Variants in LDLRAD4 observed in about 807,000 individuals in gnomAD.
LDLRAD4 encodes the protein low-density lipoprotein receptor class A domain-containing protein 4.
Under a neutral mutation model 17.0 loss-of-function variants are expected in LDLRAD4, and 5 were observed. The observed-to-expected ratio is 0.29, with a 90% CI of 0.15 to 0.62. The LOEUF is 0.62. LDLRAD4 is among the 20% of genes least tolerant of loss of function. The pLI, the probability that LDLRAD4 is intolerant of heterozygous loss-of-function variation, is 0.84. For synonymous variants in LDLRAD4, 168 were observed against 171.8 expected, an observed-to-expected ratio of 0.98 and a Z score of 0.17; for missense variants, 340 against 424.7, an observed-to-expected ratio of 0.80 and a Z score of 1.75.
intron 1 of LDLRAD4, among the ~76,000 whole-genome samples, chr18:13,254,274 G>A (rs1255333731): frequency 6.6e-6 from 1 of 152,234 alleles, no homozygotes; most frequent in Non-Finnish European, 1.5e-5. Flanking sequence ...GGGGTGAGGA[G>A]TGAGGGGCCC....
intron 2 of LDLRAD4, among the ~76,000 whole-genome samples, chr18:13,389,065 G>A (rs889073228): frequency 6.6e-5 from 10 of 152,222 alleles, no homozygotes; most frequent in Admixed American, 3.9e-4. Flanking sequence ...GCGGGTCATG[G>A]CCCATGTGGA....
chr18:13,258,093 G>A (rs1361003919), intron 1 of LDLRAD4, among the ~76,000 whole-genome samples: 1 of 152,154 alleles, frequency 6.6e-6, no homozygotes, highest in African/African-American at 2.4e-5. Flanking sequence ...CCAGATAGTG[G>A]TTGAAAACAT....
Position 13,387,658 on chromosome 18 carries a change from T to A in LDLRAD4, c.-65T>A, listed in dbSNP as rs1437383784. On this transcript the variant is annotated 5_prime_UTR_variant, in exon 2 of 6. Transcript: ENST00000359446. Reference sequence around the variant, plus strand: ...GGCTAAGATGGAAGTGACCTGAGCCTCGCCCGGCGGCTTCCTCGACGGGAC... The same window carrying A: ...GGCTAAGATGGAAGTGACCTGAGCCACGCCCGGCGGCTTCCTCGACGGGAC... 4 of 1,487,286 alleles carry A rather than the reference T, an allele frequency of 2.7e-6. No individual in the cohort carries two copies. In the East Asian group the frequency reaches 6.8e-5, roughly 25 times the overall value. The allele number at this position is 1,487,286 out of a possible 1,614,324, so 92.1% of individuals were successfully genotyped here.
chr18:13,529,137 C>T lies in LDLRAD4; in HGVS notation c.181+90753C>T, dbSNP rs114406767. On this transcript the variant is annotated intron_variant, in intron 3 of 5. Transcript: ENST00000359446. ...GTGTAGGGAGAACCTGGTTAAGGAG[C>T]TCACTGTCTGATTCTGGCTCTGAGC... Among the ~76,000 whole-genome samples the T allele has an allele frequency of 7.5e-3, 1,141 of 152,210 alleles. 19 individuals carry two copies. Among genetic ancestry groups the T allele is most frequent in the African/African-American group, 0.026 (1,078 of 41,520 alleles).
At chr18:13,543,876 A>G (rs924364793) in intron 3 of LDLRAD4, among the ~76,000 whole-genome samples, 12 of 152,268 alleles carry the variant, frequency 7.9e-5, no homozygotes, top group Non-Finnish European at 1.6e-4. Context: ...TACCTCCAAC[A>G]GGGCTGCTGG....
intron 3 of LDLRAD4, among the ~76,000 whole-genome samples, chr18:13,454,026 G>A (rs1325795935): frequency 3.9e-5 from 6 of 152,264 alleles, no homozygotes; most frequent in African/African-American, 7.2e-5. Flanking sequence ...AGGCTGCGCC[G>A]TGCACACCCA....
At chr18:13,614,773 C>G (rs2148749671) in intron 3 of LDLRAD4, 1 of 152,288 alleles carries the variant, frequency 6.6e-6, no homozygotes, top group African/African-American at 2.4e-5. Context: ...TCTGGAGGAT[C>G]TTGGAAAGAA....
intron 1 of LDLRAD4, among the ~76,000 whole-genome samples, chr18:13,331,208 A>G (rs2081848495): frequency 6.6e-6 from 1 of 152,222 alleles, no homozygotes. Context: ...GACTGAGCCA[A>G]CAACCTGTGT....
At chr18:13,652,577 C>T (rs1199916852) in exon 6 of LDLRAD4, 1 of 152,602 alleles carries the variant, frequency 6.6e-6, no homozygotes, top group Non-Finnish European at 1.5e-5. Context: ...CACGTATCTG[C>T]CTCTTTTACC....
chr18:13,524,340 A>C (rs148792074), intron 3 of LDLRAD4, among the ~76,000 whole-genome samples: 1 of 152,228 alleles, frequency 6.6e-6, no homozygotes, highest in Non-Finnish European at 1.5e-5. Flanking sequence ...AAAATTACAC[A>C]TTCTGTTACA....
intron 3 of LDLRAD4, chr18:13,561,549 A>C (rs1384664411): frequency 6.6e-6 from 1 of 152,360 alleles, no homozygotes; most frequent in East Asian, 1.9e-4. Context: ...GACCTTGATG[A>C]GCAGTCATTT....
At chr18:13,435,963 T>C (rs576300612) in intron 2 of LDLRAD4, among the ~76,000 whole-genome samples, 1 of 152,354 alleles carries the variant, frequency 6.6e-6, no homozygotes, top group Admixed American at 6.5e-5. Flanking sequence ...GGCAGTGCTA[T>C]GAGATGAGGC....
intron 3 of LDLRAD4, among the ~76,000 whole-genome samples, chr18:13,461,781 A>G (rs2092441006): frequency 6.6e-6 from 1 of 152,218 alleles, no homozygotes; most frequent in African/African-American, 2.4e-5. Flanking sequence ...GGTTGCAGAA[A>G]GTGACCAATC....
chr18:13,499,441 C>T (rs1161331650), intron 3 of LDLRAD4, among the ~76,000 whole-genome samples: 10 of 141,414 alleles, frequency 7.1e-5, no homozygotes, highest in African/African-American at 2.7e-4. Context: ...ACACGTCCTG[C>T]CGTGGACACT....
chr18:13,551,098 C>T (rs947974866), intron 3 of LDLRAD4, among the ~76,000 whole-genome samples: 13 of 152,284 alleles, frequency 8.5e-5, no homozygotes, highest in East Asian at 5.8e-4. Flanking sequence ...TACACCCCTA[C>T]GGCCAGTGCC....
At chr18:13,356,087 G>A (rs955884222) in intron 1 of LDLRAD4, among the ~76,000 whole-genome samples, 4 of 152,260 alleles carry the variant, frequency 2.6e-5, no homozygotes, top group African/African-American at 4.8e-5. Context: ...AGCCAGGGTC[G>A]TGCTTCAGCA....
intron 3 of LDLRAD4, among the ~76,000 whole-genome samples, chr18:13,486,198 G>A (rs754238187): frequency 6.6e-6 from 1 of 152,204 alleles, no homozygotes; most frequent in Non-Finnish European, 1.5e-5. Context: ...CCCACATAAT[G>A]AGGACGTTAC....
At chr18:13,504,085 A>T (rs1438833602) in intron 3 of LDLRAD4, among the ~76,000 whole-genome samples, 1 of 152,190 alleles carries the variant, frequency 6.6e-6, no homozygotes, top group Non-Finnish European at 1.5e-5. Flanking sequence ...CGCAGGTCAC[A>T]TATCTCGCCT....
At position 13,645,042 on chromosome 18, in the gene LDLRAD4, C is replaced by A; in HGVS notation, c.391-85C>A. ...TGTTCAAACTGGTAGGAACACACAC[C>A]AAGCGTAACTTTCCTTGATTCTGAC... On this transcript the variant is annotated intron_variant, in intron 5 of 5. Coordinates refer to ENST00000359446, the Ensembl canonical transcript of LDLRAD4. The surrounding 1 kb of genome is among the most constrained non-coding windows in gnomAD (Gnocchi z 5.7). 1.8e-6 allele frequency: 2 copies of A among 1,135,178 alleles called. No homozygotes were observed. Among genetic ancestry groups the A allele is most frequent in the Non-Finnish European group, 2.5e-6 (2 of 795,626 alleles). The allele number at this position is 1,135,178 out of a possible 1,614,324, so 70.3% of individuals were successfully genotyped here. A position where few individuals can be genotyped will look rare whatever the true frequency, so the allele number is the denominator to read the frequency against.
Sources: gnomAD v4.1 joint callset for allele counts (sites outside exome capture counted in the v4.1 genomes callset) on GRCh38, gnomAD v4.1.1 for gene constraint, Gnocchi (gnomAD v3.1) non-coding constraint, MANE v1.5 for transcripts, NCBI Gene and HGNC (gene_info 2026-07-23, HGNC 2026-07-21) for gene names.